Variants in CCDC7 observed in about 807,000 individuals in gnomAD.
CCDC7 encodes the protein coiled-coil domain containing 7.
Under a neutral mutation model 196.9 loss-of-function variants are expected in CCDC7, and 183 were observed. The observed-to-expected ratio is 0.93, with a 90% confidence interval of 0.82 to 1.05. The LOEUF (loss-of-function observed/expected upper bound fraction) is 1.05, where lower values mean the gene tolerates loss of function less well. CCDC7 is among the 50% of genes least tolerant of loss of function. The pLI, the probability that CCDC7 is intolerant of heterozygous loss-of-function variation, is 0.00. For missense variants in CCDC7, 1,540 were observed against 1,482.2 expected, an observed-to-expected ratio of 1.04 and a Z score of -0.64; for synonymous variants, 525 against 484.6, an observed-to-expected ratio of 1.08 and a Z score of -1.10.
intron 25 of CCDC7, among the ~76,000 whole-genome samples, chr10:32,719,527 A>T (rs748129116): frequency 6.6e-5 from 10 of 152,244 alleles, no homozygotes; most frequent in Non-Finnish European, 1.2e-4. Flanking sequence ...GACAAATGAG[A>T]TCTAATTAAA....
intron 5 of CCDC7, among the ~76,000 whole-genome samples, chr10:32,463,709 C>T (rs192504124): frequency 3.3e-5 from 5 of 152,232 alleles, no homozygotes; most frequent in Admixed American, 6.5e-5. Context: ...AGAAAAGAGG[C>T]CAGTTTATTT....
intron 18 of CCDC7, among the ~76,000 whole-genome samples, chr10:32,622,278 C>T (rs1564854938): frequency 6.6e-6 from 1 of 152,114 alleles, no homozygotes; most frequent in Non-Finnish European, 1.5e-5. Context: ...TTTAGCTACC[C>T]TGTCTGGATT....
intron 29 of CCDC7, among the ~76,000 whole-genome samples, chr10:32,788,804 A>G (rs1456110155): frequency 1.3e-5 from 2 of 152,200 alleles, no homozygotes; most frequent in Non-Finnish European, 2.9e-5. Flanking sequence ...CCCACAAATA[A>G]CAAGATTCAG....
intron 14 of CCDC7, among the ~76,000 whole-genome samples, chr10:32,566,579 A>G (rs1352296817): frequency 6.6e-6 from 1 of 152,064 alleles, no homozygotes; most frequent in Non-Finnish European, 1.5e-5. Flanking sequence ...AGAGCATAAG[A>G]TGTAAGTGTG....
chr10:32,572,241 A>G (rs1010255861), intron 16 of CCDC7, among the ~76,000 whole-genome samples: 4 of 152,200 alleles, frequency 2.6e-5, no homozygotes, highest in Admixed American at 6.5e-5. Flanking sequence ...AACTTAGTGA[A>G]AAATCATTTT....
intron 20 of CCDC7, among the ~76,000 whole-genome samples, chr10:32,654,167 G>A (rs1279194508): frequency 2.0e-5 from 3 of 151,870 alleles, no homozygotes; most frequent in Non-Finnish European, 1.5e-5. Flanking sequence ...TGGTTACTTC[G>A]GGAAATTTAT....
intron 13 of CCDC7, among the ~76,000 whole-genome samples, chr10:32,564,204 G>A (rs1213922129): frequency 6.6e-6 from 1 of 152,284 alleles, no homozygotes; most frequent in East Asian, 1.9e-4. Flanking sequence ...CTGTTGGTGG[G>A]ACTGTAAACT....
chr10:32,760,935 G>A (rs562105964), intron 28 of CCDC7, among the ~76,000 whole-genome samples: 1 of 152,006 alleles, frequency 6.6e-6, no homozygotes, highest in South Asian at 2.1e-4. Context: ...ATTTTCAGCT[G>A]AACTATGAGA....
Position 32,829,385 on chromosome 10 carries a change from A to G in CCDC7, c.3268+4781A>G, listed in dbSNP as rs537586291. On this transcript the variant is annotated intron_variant, in intron 32 of 41. Transcript: ENST00000639629. Reference sequence around the variant, plus strand: ...AATGTGACCAGCTGCAGAAATGAGGACTGTAATTGTCATGAGTATTTCCTC... The same window carrying G: ...AATGTGACCAGCTGCAGAAATGAGGGCTGTAATTGTCATGAGTATTTCCTC... Among the ~76,000 whole-genome samples the G allele has an allele frequency of 1.4e-3, 217 of 152,340 alleles. 1 individual carries two copies. The highest frequency in any genetic ancestry group is 5.0e-3 in the African/African-American group (206 of 41,588).
upstream of CCDC7, among the ~76,000 whole-genome samples, chr10:32,443,457 C>T (rs1432038038): frequency 6.6e-6 from 1 of 150,530 alleles, no homozygotes; most frequent in Admixed American, 6.6e-5. Context: ...GTGTCCATGG[C>T]ACAAAGTCTA....
chr10:32,879,362 A>G (rs541160049), downstream of CCDC7, among the ~76,000 whole-genome samples: 36 of 152,254 alleles, frequency 2.4e-4, no homozygotes, highest in African/African-American at 8.4e-4. Context: ...AGATTATATG[A>G]TAGCAGCATC....
exon 26 of CCDC7, chr10:32,726,792 A>C: frequency 6.2e-7 from 1 of 1,602,510 alleles, no homozygotes; most frequent in Non-Finnish European, 8.5e-7. Context: ...TCCAAATGCA[A>C]GAAAAGAAAA....
At chr10:32,871,901 T>C (rs2094445020) in intron 41 of CCDC7, among the ~76,000 whole-genome samples, 1 of 152,222 alleles carries the variant, frequency 6.6e-6, no homozygotes, top group Non-Finnish European at 1.5e-5. Context: ...TTCCATGTCC[T>C]TGAGCGGTTT....
At chr10:32,708,635 A>G (rs999243200) in intron 24 of CCDC7, among the ~76,000 whole-genome samples, 1 of 152,210 alleles carries the variant, frequency 6.6e-6, no homozygotes, top group Non-Finnish European at 1.5e-5. Context: ...AAAAAATCAA[A>G]CAACCCCATC....
At chr10:32,878,123 CA>C (rs1237698026), downstream of CCDC7, among the ~76,000 whole-genome samples, 1 of 152,100 alleles carries the variant, frequency 6.6e-6, no homozygotes, top group Non-Finnish European at 1.5e-5. Flanking sequence ...AAATATTCCA[CA>C]CCTGTGCCCT....
rs185667320 is a variant in CCDC7, at chr10:32,635,532, C to T, written c.2014+374C>T. On this transcript the variant is annotated intron_variant, in intron 20 of 41. Coordinates refer to ENST00000639629, the Ensembl canonical transcript of CCDC7. Reference sequence around the variant, plus strand: ...AAAAACTATCATGTCTCCCCATAATCCCAGCACTTTGGGAGGTAAAGGTGA... The same window carrying T: ...AAAAACTATCATGTCTCCCCATAATTCCAGCACTTTGGGAGGTAAAGGTGA... 2.2e-4 allele frequency among the ~76,000 whole-genome samples: 33 copies of T among 152,232 alleles called. No homozygotes were observed. The East Asian group carries it at 4.8e-3, about 22-fold the overall frequency.
chr10:32,577,849 A>G (rs183246429), intron 16 of CCDC7, among the ~76,000 whole-genome samples: 43 of 152,308 alleles, frequency 2.8e-4, no homozygotes, highest in Admixed American at 1.2e-3. Context: ...GAAGACCCAT[A>G]ATGCGATAGG....
intron 11 of CCDC7, among the ~76,000 whole-genome samples, chr10:32,532,114 T>C (rs2049769404): frequency 6.6e-6 from 1 of 152,102 alleles, no homozygotes; most frequent in African/African-American, 2.4e-5. Context: ...TGTAGTTCCT[T>C]GAGGTTCATC....
chr10:32,682,224 C>G (rs2075955138), intron 21 of CCDC7, among the ~76,000 whole-genome samples: 1 of 152,156 alleles, frequency 6.6e-6, no homozygotes, highest in Non-Finnish European at 1.5e-5. Flanking sequence ...CTCTTTGTGT[C>G]CATGTGTACT....
Sources: allele counts gnomAD v4.1 joint callset (sites outside exome capture counted in the v4.1 genomes callset), GRCh38; gene constraint gnomAD v4.1.1; transcripts MANE v1.5; gene names NCBI Gene and HGNC (gene_info 2026-07-23, HGNC 2026-07-21).